CNTN6: variants seen among roughly 807,000 people sequenced by gnomAD.
CNTN6 encodes the protein contactin 6.
Under a neutral mutation model 122.8 loss-of-function variants are expected in CNTN6, and 137 were observed. That is an observed-to-expected ratio of 1.12 (90% confidence interval 0.97 to 1.29). The LOEUF is 1.29. CNTN6 is among the 50% of genes most tolerant of loss of function. The pLI is 0.00. For missense variants in CNTN6, 1,634 were observed against 1,223.4 expected (o/e 1.34, Z -5.01); for synonymous variants, 570 against 426.0 (o/e 1.34, Z -4.16).
At chr3:1,293,996 C>A (rs754445118) in intron 5 of CNTN6, among the ~76,000 whole-genome samples, 1 of 152,160 alleles carries the variant, frequency 6.6e-6, no homozygotes, top group Non-Finnish European at 1.5e-5. Context: ...CTGGAACTCT[C>A]AAATATTGCT....
Position 1,321,753 on chromosome 3 carries a change from C to A in CNTN6, c.865C>A (p.Gln289Lys), listed in dbSNP as rs1700885530. The A allele has an allele frequency of 3.1e-6, 5 of 1,611,818 alleles. No individual in the cohort carries two copies. Among genetic ancestry groups the A allele is most frequent in the Admixed American group, 1.7e-5 (1 of 59,766 alleles). Residue 289 changes from glutamine to lysine, a missense_variant, in exon 8 of 23, where the codon CAA becomes AAA. Transcript: ENST00000446702. ...TATCCTTGAAATCCCGAACTTCCAA[C>A]AAGAAGATGAAGGCTTTTATGAGTG... The part of the protein sequence containing the change: ...QAILEIPNFQ[Q>K]EDEGFYECIA...
At chr3:1,126,869 C>G (rs781129053) in intron 1 of CNTN6, among the ~76,000 whole-genome samples, 3 of 151,794 alleles carry the variant, frequency 2.0e-5, no homozygotes, top group Non-Finnish European at 2.9e-5. Context: ...GAAAGAAAGT[C>G]ATCTGGAGAG....
intron 4 of CNTN6, among the ~76,000 whole-genome samples, chr3:1,261,202 G>A (rs2094840854): frequency 6.6e-6 from 1 of 152,106 alleles, no homozygotes; most frequent in African/African-American, 2.4e-5. Flanking sequence ...AATGTCTACA[G>A]CACAATCTCT....
intron 4 of CNTN6, among the ~76,000 whole-genome samples, chr3:1,256,632 C>T (rs1452689962): frequency 6.6e-6 from 1 of 151,988 alleles, no homozygotes; most frequent in Non-Finnish European, 1.5e-5. Context: ...TAGTTGAAGT[C>T]ACCAGGAGTA....
At chr3:1,278,701 C>T (rs1692853483) in intron 5 of CNTN6, among the ~76,000 whole-genome samples, 193 bp downstream of exon 5, 1 of 152,164 alleles carries the variant, frequency 6.6e-6, no homozygotes, top group African/African-American at 2.4e-5. Context: ...CAAGCAGCCA[C>T]ACAGCAAATA....
intron 1 of CNTN6, among the ~76,000 whole-genome samples, chr3:1,128,778 A>G (rs79256339): frequency 7.1e-6 from 1 of 141,688 alleles, no homozygotes; most frequent in African/African-American, 2.6e-5. Context: ...TAAAGTTTTT[A>G]AAAAAATGAC....
chr3:1,126,284 G>C (rs2092156043), intron 1 of CNTN6, among the ~76,000 whole-genome samples: 1 of 151,780 alleles, frequency 6.6e-6, no homozygotes, highest in Admixed American at 6.6e-5. Context: ...GTATTCAAAT[G>C]TGTCCTAATT....
At chr3:1,250,793 A>T (rs996313451) in intron 4 of CNTN6, among the ~76,000 whole-genome samples, 1 of 152,130 alleles carries the variant, frequency 6.6e-6, no homozygotes, top group Non-Finnish European at 1.5e-5. Context: ...GCTTCAACTG[A>T]CATTTGGCTT....
intron 20 of CNTN6, 198 bp from the exon 21 acceptor site, chr3:1,401,235 A>C: frequency 2.0e-6 from 1 of 507,770 alleles, no homozygotes; most frequent in Non-Finnish European, 3.5e-6. Context: ...GTCTGTCACA[A>C]AGGCATTCCC....
chr3:1,387,816 A>C (rs1693294506), intron 20 of CNTN6, among the ~76,000 whole-genome samples: 1 of 152,098 alleles, frequency 6.6e-6, no homozygotes, highest in Non-Finnish European at 1.5e-5. Flanking sequence ...CACCTGGAAA[A>C]TTGGGTCACT....
chr3:1,385,031 C>T (rs1692649226), intron 19 of CNTN6, among the ~76,000 whole-genome samples: 1 of 151,866 alleles, frequency 6.6e-6, no homozygotes. Context: ...TTTTTCTATA[C>T]CACTTCTTTG....
chr3:1,305,552 T>C (rs1361675574), intron 7 of CNTN6, among the ~76,000 whole-genome samples: 1 of 152,218 alleles, frequency 6.6e-6, no homozygotes, highest in Non-Finnish European at 1.5e-5. Flanking sequence ...GATTGACTGA[T>C]AGATATGTAC....
chr3:1,208,012 A>G (rs923881257), intron 2 of CNTN6, among the ~76,000 whole-genome samples: 7 of 151,972 alleles, frequency 4.6e-5, no homozygotes, highest in African/African-American at 1.7e-4. Flanking sequence ...TATTGTGCCT[A>G]CATACTCCAA....
At chr3:1,207,608 C>T (rs1435118636) in intron 2 of CNTN6, among the ~76,000 whole-genome samples, 1 of 152,068 alleles carries the variant, frequency 6.6e-6, no homozygotes, top group Non-Finnish European at 1.5e-5. Context: ...TTATTTCTCT[C>T]CATAGCACTC....
At chr3:1,341,438 A>G (rs548536211) in intron 11 of CNTN6, among the ~76,000 whole-genome samples, 13 of 152,214 alleles carry the variant, frequency 8.5e-5, no homozygotes, top group African/African-American at 3.1e-4. Flanking sequence ...CACTGGATTA[A>G]TTTAGTTAGG....
intron 20 of CNTN6, chr3:1,394,253 C>T: frequency 8.5e-6 from 2 of 234,876 alleles, no homozygotes; most frequent in South Asian, 4.7e-5. Flanking sequence ...CTGCCAGGAA[C>T]AAGACAGCCA....
intron 2 of CNTN6, among the ~76,000 whole-genome samples, chr3:1,185,617 T>A (rs1210155082): frequency 6.6e-6 from 1 of 152,174 alleles, no homozygotes; most frequent in South Asian, 2.1e-4. Context: ...AGATAGTGCA[T>A]GTAATGTACT....
chr3:1,299,006 C>G (rs1000083020), intron 7 of CNTN6, among the ~76,000 whole-genome samples: 9 of 152,142 alleles, frequency 5.9e-5, no homozygotes, highest in African/African-American at 1.9e-4. Context: ...ACATACTCAG[C>G]AATCCAAATA....
At chr3:1,258,955 C>G (rs2094802722) in intron 4 of CNTN6, among the ~76,000 whole-genome samples, 1 of 152,082 alleles carries the variant, frequency 6.6e-6, no homozygotes, top group Admixed American at 6.6e-5. Flanking sequence ...GATTTTCCGG[C>G]CAATGTCTCT....
Sources: gnomAD v4.1 joint callset for allele counts (sites outside exome capture counted in the v4.1 genomes callset) on GRCh38, gnomAD v4.1.1 for gene constraint, MANE v1.5 for transcripts, NCBI Gene and HGNC (gene_info 2026-07-23, HGNC 2026-07-21) for gene names.